Variants in ADGRG7 observed in about 807,000 individuals in gnomAD.
ADGRG7 encodes adhesion G protein-coupled receptor G7.
ADGRG7 carries 82 observed loss-of-function variants against 88.6 expected under a neutral mutation model. The ratio of observed to expected loss-of-function variants is 0.93; its 90% CI spans 0.77 to 1.11. The LOEUF is 1.11. Ranked by LOEUF, ADGRG7 falls within the 50% of genes most tolerant of loss-of-function variation. ADGRG7 has a pLI of 0.00. For missense variants in ADGRG7, 945 were observed against 953.4 expected, an observed-to-expected ratio of 0.99 and a Z score of 0.12; for synonymous variants, 381 against 345.2, an observed-to-expected ratio of 1.10 and a Z score of -1.15.
rs373484932 is a variant in ADGRG7, at chr3:100,633,387, A to G, written c.447+10A>G. On this transcript the variant is annotated intron_variant, in intron 4 of 15. Transcript: ENST00000273352. The stretch of plus-strand genomic sequence containing the variant: ...AACCCTGGAAAAGCAGGTATGCCAT[A>G]TGACTCACTGATGGGCAACTGGAAG... The G allele has an allele frequency of 1.3e-6, 2 of 1,482,136 alleles. No individual in the cohort carries two copies. The highest frequency in any genetic ancestry group is 4.8e-5 in the East Asian group (2 of 42,062). The allele number at this position is 1,482,136 out of a possible 1,614,324, so 91.8% of individuals were successfully genotyped here. A position where few individuals can be genotyped will look rare whatever the true frequency, so the allele number is the denominator to read the frequency against.
intron 14 of ADGRG7, among the ~76,000 whole-genome samples, chr3:100,668,267 G>A (rs2094954196): frequency 6.6e-6 from 1 of 152,156 alleles, no homozygotes; most frequent in Non-Finnish European, 1.5e-5. Flanking sequence ...TTCATGTCTG[G>A]TGGTTGGTGT....
chr3:100,669,115 G>C lies in ADGRG7; in HGVS notation c.2136+10G>C. 6.6e-7 allele frequency: 1 copy of C among 1,522,166 alleles called. No homozygotes were observed. The highest frequency in any genetic ancestry group is 8.8e-7 in the Non-Finnish European group (1 of 1,134,704). 94.3% of individuals were successfully genotyped at this position (1,522,166 alleles called of 1,614,324 possible). ...TTTCAACACTACACAGGTATGGTGC[G>C]GATTAGTCTGAAAGTAGCAGAACAC... On this transcript the variant is annotated intron_variant, in intron 15 of 15. Coordinates refer to ENST00000273352, the MANE Select transcript of ADGRG7 (RefSeq NM_032787.3).
At chr3:100,627,327 A>G (rs1707393460) in intron 1 of ADGRG7, among the ~76,000 whole-genome samples, 1 of 152,164 alleles carries the variant, frequency 6.6e-6, no homozygotes, top group Middle Eastern at 3.2e-3. Flanking sequence ...CGTGAAGTTT[A>G]TCTCCTTTAT....
chr3:100,676,878 G>C (rs1181118760), intron 15 of ADGRG7, among the ~76,000 whole-genome samples: 1 of 151,626 alleles, frequency 6.6e-6, no homozygotes, highest in Non-Finnish European at 1.5e-5. Context: ...TCTTTTTATA[G>C]TTTTTGTCTT....
intron 15 of ADGRG7, among the ~76,000 whole-genome samples, chr3:100,673,199 A>C (rs2094960843): frequency 6.6e-6 from 1 of 151,978 alleles, no homozygotes; most frequent in African/African-American, 2.4e-5. Context: ...CTGGACTTTT[A>C]CTTTTTTTGA....
intron 1 of ADGRG7, among the ~76,000 whole-genome samples, chr3:100,611,244 TTTCCTTCCTTCCTTCCTTCCTTCC>T (rs753816226): frequency 1.8e-4 from 12 of 64,884 alleles, no homozygotes; most frequent in Admixed American, 4.2e-4. Context: ...TTTGTTTGTT[TTTCCTTCCTTCCTTCCTTCCTTCC>T]TTCCTTCCTT....
intron 10 of ADGRG7, among the ~76,000 whole-genome samples, chr3:100,647,789 T>C (rs1209226154): frequency 6.6e-6 from 1 of 152,160 alleles, no homozygotes; most frequent in Admixed American, 6.5e-5. Context: ...TTCTTCTCCT[T>C]AGTAAGGGAC....
chr3:100,635,580 G>A, intron 4 of ADGRG7, 97 bp from the exon 5 acceptor site: 2 of 1,531,016 alleles, frequency 1.3e-6, no homozygotes, highest in East Asian at 4.6e-5. Context: ...GGAGATTGAG[G>A]CTCAGCTAAA....
intron 1 of ADGRG7, among the ~76,000 whole-genome samples, chr3:100,620,872 G>C (rs1222179770): frequency 6.6e-6 from 1 of 151,418 alleles, no homozygotes; most frequent in Non-Finnish European, 1.5e-5. Flanking sequence ...TGGCAACTCT[G>C]TGTCAAGCAG....
chr3:100,635,780 G>C lies in ADGRG7; in HGVS notation c.551G>C (p.Arg184Pro). ...LTAENITSAT[R>P]VVGQIFNTSR... is the part of the protein sequence containing the mutation. ...GCTGAGAACATCACTAGTGCTACGC[G>C]AGTGGTTGGACAGATATTCAACACT... The change falls in exon 5 of 16, where the codon CGA (arginine) becomes CCA (proline). Residue 184 changes from arginine (R) to proline (P), a missense_variant. Physicochemically the swap from Arg to Pro is moderately radical, Grantham distance 103. Coordinates refer to ENST00000273352, the MANE Select transcript of ADGRG7 (RefSeq NM_032787.3). 1 of 1,613,754 alleles carries C rather than the reference G, an allele frequency of 6.2e-7. No individual in the cohort carries two copies. Among genetic ancestry groups the C allele is most frequent in the Non-Finnish European group, 8.5e-7 (1 of 1,179,840 alleles).
chr3:100,665,595 T>C, intron 14 of ADGRG7: 1 of 359,360 alleles, frequency 2.8e-6, no homozygotes, highest in Non-Finnish European at 5.4e-6. Flanking sequence ...ATATGAACGG[T>C]AGTTCATATT....
intron 6 of ADGRG7, among the ~76,000 whole-genome samples, chr3:100,640,839 C>T (rs1488206677): frequency 6.6e-6 from 1 of 152,130 alleles, no homozygotes. Context: ...CCATTGTAGA[C>T]ATTGCTTGCA....
At chr3:100,629,466 A>G in intron 1 of ADGRG7, 132 bp from the exon 2 acceptor site, 1 of 603,150 alleles carries the variant, frequency 1.7e-6, no homozygotes, top group Non-Finnish European at 3.0e-6. Context: ...TAATGATGAT[A>G]TTACAAAGAA....
chr3:100,665,643 A>G (rs1270604842), intron 14 of ADGRG7, among the ~76,000 whole-genome samples: 1 of 152,292 alleles, frequency 6.6e-6, no homozygotes, highest in African/African-American at 2.4e-5. Context: ...ACTGATAAAC[A>G]TTAAAAGTAT....
intron 6 of ADGRG7, among the ~76,000 whole-genome samples, chr3:100,641,241 A>G (rs1303740616): frequency 2.0e-5 from 3 of 151,978 alleles, no homozygotes; most frequent in African/African-American, 7.2e-5. Flanking sequence ...TAAGTTTGGG[A>G]TCATTTATAT....
At chr3:100,652,065 T>A (rs923983113) in intron 11 of ADGRG7, among the ~76,000 whole-genome samples, 9 of 152,144 alleles carry the variant, frequency 5.9e-5, no homozygotes, top group African/African-American at 2.2e-4. Flanking sequence ...TATTTGAAAA[T>A]CACCTCTTCT....
intron 15 of ADGRG7, among the ~76,000 whole-genome samples, chr3:100,694,127 T>A (rs2094998302): frequency 6.6e-6 from 1 of 152,226 alleles, no homozygotes; most frequent in African/African-American, 2.4e-5. Context: ...ATGTGAGGAT[T>A]ACATGAGAAT....
chr3:100,646,171 GCTGAGACTGAGTAGAGTAATACA>G, intron 9 of ADGRG7, 63 bp downstream of exon 9: 1 of 1,146,638 alleles, frequency 8.7e-7, no homozygotes, highest in Non-Finnish European at 1.2e-6. Context: ...GATGGTGGCA[GCTGAGACTGAGTAGAGTAATACA>G]GGGGAAGAAG....
chr3:100,665,907 T>A (rs1163774603), intron 14 of ADGRG7, among the ~76,000 whole-genome samples: 1 of 152,214 alleles, frequency 6.6e-6, no homozygotes, highest in East Asian at 1.9e-4. Flanking sequence ...TAAGTAACTT[T>A]CATGTGTTCA....
Sources: gnomAD v4.1 joint callset for allele counts (sites outside exome capture counted in the v4.1 genomes callset) on GRCh38, gnomAD v4.1.1 for gene constraint, MANE v1.5 for transcripts, NCBI Gene and HGNC (gene_info 2026-07-23, HGNC 2026-07-21) for gene names.